The following CLCN5 variants were observed in gnomAD, a reference collection of about 807,000 sequenced individuals.
The protein encoded by CLCN5 is H(+)/Cl(-) exchange transporter 5.
CLCN5 carries 17 observed loss-of-function variants against 54.0 expected under a neutral mutation model. The observed-to-expected ratio is 0.31, with a 90% CI of 0.22 to 0.47. The LOEUF is 0.47. CLCN5 is among the 20% of genes least tolerant of loss of function. The probability of loss-of-function intolerance (pLI) is 1.00; values close to 1 mark genes in which losing one functional copy is unlikely to be tolerated. For missense variants in CLCN5, 448 were observed against 646.7 expected (o/e 0.69, Z 3.33); for synonymous variants, 222 against 233.0 (o/e 0.95, Z 0.43).
At chrX:50,079,669 T>C (rs1933599228) in intron 7 of CLCN5, among the ~76,000 whole-genome samples, 1 of 111,632 alleles carries the variant, frequency 9.0e-6, no homozygotes, top group African/African-American at 3.3e-5. Flanking sequence ...TTTCTACTTA[T>C]ATGGTTGTTC....
intron 3 of CLCN5, among the ~76,000 whole-genome samples, chrX:49,939,686 G>A (rs1557170389): frequency 1.8e-5 from 2 of 110,769 alleles, no homozygotes; most frequent in African/African-American, 6.6e-5. Flanking sequence ...TATACCTAAT[G>A]TAAATGATGA....
chrX:50,003,481 G>A lies in CLCN5; in HGVS notation c.17-38835G>A, dbSNP rs782187622. On this transcript the variant is annotated intron_variant, in intron 3 of 14. Transcript: ENST00000376091. ...CTCCTAGAGCATACCCATATGTCGTGCCAAGAGAGCAAGCCCTTCCCTGCT... is the reference window on the plus strand; with the variant it reads ...CTCCTAGAGCATACCCATATGTCGTACCAAGAGAGCAAGCCCTTCCCTGCT... 1.3e-5 allele frequency: 5 copies of A among 382,168 alleles called. No individual in the cohort carries two copies. The East Asian group carries it at 3.8e-4, about 29-fold the overall frequency. The allele number at this position is 382,168 out of a possible 1,213,427, so 31.5% of individuals were successfully genotyped here.
chrX:49,966,616 T>A (rs1557175527), intron 3 of CLCN5, among the ~76,000 whole-genome samples: 1 of 34,535 alleles, frequency 2.9e-5, no homozygotes, highest in South Asian at 1.7e-3. Flanking sequence ...TTTTTTATTT[T>A]TTTATTTTTT....
At chrX:50,060,331 A>G (rs2147514759) in intron 4 of CLCN5, among the ~76,000 whole-genome samples, 1 of 110,794 alleles carries the variant, frequency 9.0e-6, no homozygotes, top group South Asian at 4.0e-4. Flanking sequence ...AGGGCGAGGC[A>G]TTGCCTCACC....
At chrX:49,998,903 C>T (rs528319372) in intron 3 of CLCN5, among the ~76,000 whole-genome samples, 6 of 111,636 alleles carry the variant, frequency 5.4e-5, no homozygotes, top group Middle Eastern at 4.6e-3. Context: ...TGTGTTCACC[C>T]TCCCATTTGC....
intron 4 of CLCN5, among the ~76,000 whole-genome samples, chrX:50,047,493 A>G (rs1184515968): frequency 9.0e-6 from 1 of 111,527 alleles, no homozygotes; most frequent in Non-Finnish European, 1.9e-5. Context: ...TAAAGGGTTC[A>G]TTTAGGTTAC....
intron 3 of CLCN5, among the ~76,000 whole-genome samples, chrX:49,938,787 A>T (rs1242542744): frequency 9.6e-6 from 1 of 104,624 alleles, no homozygotes; most frequent in African/African-American, 3.5e-5. Flanking sequence ...AAAATTGACA[A>T]ATGGGATCTA....
intron 4 of CLCN5, among the ~76,000 whole-genome samples, chrX:50,045,038 G>A (rs1557187635): frequency 9.0e-6 from 1 of 111,087 alleles, no homozygotes; most frequent in African/African-American, 3.3e-5. Flanking sequence ...ATCATGATAA[G>A]TACTAGGATG....
intron 8 of CLCN5, 43 bp from the exon 9 acceptor site, chrX:50,081,598 A>G (rs1557193154): frequency 9.2e-7 from 1 of 1,091,942 alleles, no homozygotes. Flanking sequence ...AGCCTTGTTG[A>G]CTTCCTTAGT....
At chrX:49,930,439 T>A (rs1441892293) in intron 3 of CLCN5, among the ~76,000 whole-genome samples, 1 of 112,104 alleles carries the variant, frequency 8.9e-6, no homozygotes, top group Non-Finnish European at 1.9e-5. Context: ...ATGGGAAAAA[T>A]TGAAAACACT....
At chrX:50,015,955 G>A (rs1930769696) in intron 3 of CLCN5, among the ~76,000 whole-genome samples, 1 of 111,439 alleles carries the variant, frequency 9.0e-6, no homozygotes, top group South Asian at 3.8e-4. Context: ...CTAACCTGCA[G>A]TAAAGATTCA....
At chrX:50,013,156 ATCTC>A (rs1285900393) in intron 3 of CLCN5, 1 of 247,666 alleles carries the variant, frequency 4.0e-6, no homozygotes, top group Non-Finnish European at 7.8e-6. Context: ...CAATCAATCA[ATCTC>A]TCTCCTCTCT....
intron 7 of CLCN5, among the ~76,000 whole-genome samples, chrX:50,079,964 G>A (rs148104345): frequency 0.018 from 1,966 of 111,391 alleles, 41 homozygotes; most frequent in African/African-American, 0.061. Context: ...AACTATGGAA[G>A]GTGATATGCA....
In CLCN5 at chrX:50,042,525, AT is replaced by A. The variant is rs782648284; in HGVS notation, c.163+72del. On this transcript the variant is annotated intron_variant, in intron 4 of 14. Transcript: ENST00000376091. The stretch of plus-strand genomic sequence containing the variant: ...TAAAATTTATGTACAATAAAATTTT[AT>A]TTTTTTTTAATTTTATTTTCTAGCA... 3.7e-4 allele frequency: 290 copies of A among 784,248 alleles called. 2 individuals carry two copies. The highest frequency in any genetic ancestry group is 1.5e-3 in the Middle Eastern group (3 of 2,039). The allele number at this position is 784,248 out of a possible 1,213,427, so 64.6% of individuals were successfully genotyped here. A position where few individuals can be genotyped will look rare whatever the true frequency, so the allele number is the denominator to read the frequency against.
At chrX:49,971,749 A>G (rs782151068) in intron 3 of CLCN5, among the ~76,000 whole-genome samples, 4 of 111,965 alleles carry the variant, frequency 3.6e-5, no homozygotes, top group African/African-American at 6.5e-5. Flanking sequence ...AAGTAGTTCA[A>G]TGCTCAGATA....
chrX:50,083,494 T>C (rs1557193495), intron 9 of CLCN5, among the ~76,000 whole-genome samples: 2 of 112,055 alleles, frequency 1.8e-5, no homozygotes, highest in African/African-American at 6.5e-5. Flanking sequence ...AGAACAGTTA[T>C]GAAATTTGAA....
intron 3 of CLCN5, among the ~76,000 whole-genome samples, chrX:49,934,626 T>G (rs1557169342): frequency 1.8e-5 from 2 of 111,706 alleles, no homozygotes; most frequent in African/African-American, 6.5e-5. Context: ...ATTTCTGCCC[T>G]GACTACATCC....
intron 4 of CLCN5, among the ~76,000 whole-genome samples, chrX:50,050,120 C>G (rs1557188160): frequency 8.9e-6 from 1 of 111,983 alleles, no homozygotes; most frequent in Non-Finnish European, 1.9e-5. Context: ...ATCTTGGTTG[C>G]TTACTGTTGG....
chrX:50,011,675 GTCT>G (rs1184089929), intron 3 of CLCN5, among the ~76,000 whole-genome samples: 2 of 112,629 alleles, frequency 1.8e-5, no homozygotes, highest in African/African-American at 6.5e-5. Flanking sequence ...AATGAGGGAA[GTCT>G]TCTTACTGCT....
Sources: gnomAD v4.1 joint callset for allele counts (sites outside exome capture counted in the v4.1 genomes callset) on GRCh38, gnomAD v4.1.1 for gene constraint, MANE v1.5 for transcripts, NCBI Gene and HGNC (gene_info 2026-07-23, HGNC 2026-07-21) for gene names.